The following PDLIM7 variants were observed in gnomAD, a reference collection of about 807,000 sequenced individuals.
PDLIM7 encodes PDZ and LIM domain protein 7.
Under a neutral mutation model 53.9 loss-of-function variants are expected in PDLIM7, and 37 were observed. That is an observed-to-expected ratio of 0.69 (90% CI 0.53 to 0.90). The LOEUF (loss-of-function observed/expected upper bound fraction) is 0.90. Ranked by LOEUF, PDLIM7 falls within the 40% of genes least tolerant of loss-of-function variation. PDLIM7 has a pLI of 0.00. For synonymous variants in PDLIM7, 300 were observed against 261.3 expected (o/e 1.15, Z -1.43); for missense variants, 617 against 638.5 (o/e 0.97, Z 0.36).
Position 177,491,617 on chromosome 5 carries a change from G to A in PDLIM7, c.398+190C>T, listed in dbSNP as rs2127413587. On this transcript the variant is annotated intron_variant, in intron 5 of 12. Transcript: ENST00000355841. ...CGTCATTCAGAGACCCCTCCCCAGG[G>A]CGGTGCCCTGCAAGGCGCCACAGCC... is the stretch of plus-strand genomic sequence containing the variant. 3 of 637,058 alleles carry A rather than the reference G, an allele frequency of 4.7e-6. No individual in the cohort carries two copies. The East Asian group carries it at 8.4e-5, about 18-fold the overall frequency. The allele number at this position is 637,058 out of a possible 1,614,324, so 39.5% of individuals were successfully genotyped here. A position where few individuals can be genotyped will look rare whatever the true frequency, so the allele number is the denominator to read the frequency against.
In PDLIM7 at chr5:177,489,467, A is replaced by G. The variant is rs1240402939; in HGVS notation, c.795T>C (p.Ala265=). 1.2e-6 allele frequency: 2 copies of G among 1,605,416 alleles called. No homozygotes were observed. The highest frequency in any genetic ancestry group is 1.7e-6 in the Non-Finnish European group (2 of 1,176,916). ...TGCCCCCTCCTGGCACCCCTCCGGC[A>G]GCTGCCTGCACAATGGAGGTGCGGC... ...LQSRTSIVQA[A]AGGVPGGGSN... Residue 265 remains alanine (A), a synonymous_variant, in exon 9 of 13, where the codon GCT becomes GCC. Coordinates refer to ENST00000355841, the MANE Select transcript of PDLIM7 (RefSeq NM_005451.5).
At chr5:177,484,240 C>T in intron 10 of PDLIM7, 50 bp from the exon 11 acceptor site, 1 of 1,601,138 alleles carries the variant, frequency 6.2e-7, no homozygotes, top group Non-Finnish European at 8.5e-7. Context: ...TCCTGCCCTG[C>T]CCTGGGTCAC....
Position 177,483,553 on chromosome 5 carries a change from CA to C in PDLIM7, c.*90del, listed in dbSNP as rs1758289883. On this transcript the variant is annotated 3_prime_UTR_variant, in exon 13 of 13. Coordinates refer to ENST00000355841, the MANE Select transcript of PDLIM7 (RefSeq NM_005451.5). Reference sequence around the variant, plus strand: ...CTCGGGCCAGGAGCCAGGGTTAAGGCAACCATTGCCAGCCCTACCCAGAAAT... The same window carrying C: ...CTCGGGCCAGGAGCCAGGGTTAAGGCACCATTGCCAGCCCTACCCAGAAAT... 2.1e-6 allele frequency: 2 copies of C among 975,532 alleles called. No individual in the cohort carries two copies. The highest frequency in any genetic ancestry group is 3.1e-6 in the Non-Finnish European group (2 of 645,070). The allele number at this position is 975,532 out of a possible 1,614,324, so 60.4% of individuals were successfully genotyped here.
chr5:177,488,014 C>T lies in PDLIM7; in HGVS notation c.1050+54G>A, dbSNP rs192222826. On this transcript the variant is annotated intron_variant, in intron 10 of 12. Transcript: ENST00000355841. ...CTGGACTGTGGGTTTCCCAGCAGCC[C>T]TCGTTCCCACTGACAGGCTTGGGAC... 62 of 1,521,468 alleles carry T rather than the reference C, an allele frequency of 4.1e-5. 1 individual carries two copies. In the Admixed American group the frequency reaches 6.6e-4, roughly 16 times the overall value. 94.2% of individuals were successfully genotyped at this position (1,521,468 alleles called of 1,614,324 possible).
chr5:177,496,155 T>C (rs1759059642), intron 2 of PDLIM7, among the ~76,000 whole-genome samples: 1 of 152,172 alleles, frequency 6.6e-6, no homozygotes, highest in South Asian at 2.1e-4. Flanking sequence ...TGAGCCTCCC[T>C]CCAGCCCTCA....
chr5:177,492,328 T>C, intron 4 of PDLIM7, 77 bp downstream of exon 4: 1 of 1,554,518 alleles, frequency 6.4e-7, no homozygotes, highest in South Asian at 1.2e-5. Context: ...GTACCGAGAA[T>C]GTGCCAGGAG....
chr5:177,487,527 G>A (rs999102034), intron 10 of PDLIM7, among the ~76,000 whole-genome samples: 6 of 152,274 alleles, frequency 3.9e-5, no homozygotes, highest in Non-Finnish European at 7.3e-5. Flanking sequence ...GCTGCCAACA[G>A]TCAAGCAACA....
intron 10 of PDLIM7, among the ~76,000 whole-genome samples, chr5:177,486,005 A>G (rs1395082059): frequency 6.6e-6 from 1 of 152,144 alleles, no homozygotes; most frequent in Non-Finnish European, 1.5e-5. Context: ...AGAAATAAAA[A>G]GCAGGAGATC....
Position 177,491,877 on chromosome 5 carries a change from C to A in PDLIM7, c.328G>T (p.Val110Phe), listed in dbSNP as rs1054288536. ...DPPRYTFAPS[V>F]SLNKTARPFG... is the part of the protein sequence containing the mutation. Reference sequence around the variant, plus strand: ...GGCCGGGCCGTCTTGTTGAGGGAGACGCTGGGTGCAAAGGTGTACCGCGGA... The same window carrying A: ...GGCCGGGCCGTCTTGTTGAGGGAGAAGCTGGGTGCAAAGGTGTACCGCGGA... Residue 110 changes from valine (V) to phenylalanine (F), a missense_variant, in exon 5 of 13, where the codon GTC becomes TTC. Transcript: ENST00000355841. 5.0e-6 allele frequency: 6 copies of A among 1,196,012 alleles called. No individual in the cohort carries two copies. Among genetic ancestry groups the A allele is most frequent in the Non-Finnish European group, 6.3e-6 (6 of 957,490 alleles). The allele number at this position is 1,196,012 out of a possible 1,614,324, so 74.1% of individuals were successfully genotyped here.
At chr5:177,496,796 G>C in intron 1 of PDLIM7, 1 of 251,166 alleles carries the variant, frequency 4.0e-6, no homozygotes, top group African/African-American at 2.2e-5. Flanking sequence ...TTGCAACCAG[G>C]GGTGGGCCGA....
In PDLIM7 at chr5:177,483,580, G is replaced by T; in HGVS notation, c.*64C>A. ...ACCATTGCCAGCCCTACCCAGAAAT[G>T]CAGGGCCACGACTCCAGGCCCCTCA... On this transcript the variant is annotated 3_prime_UTR_variant, in exon 13 of 13. Transcript: ENST00000355841. 2 of 1,243,812 alleles carry T rather than the reference G, an allele frequency of 1.6e-6. No individual in the cohort carries two copies. The highest frequency in any genetic ancestry group is 2.3e-6 in the Non-Finnish European group (2 of 865,724). The allele number at this position is 1,243,812 out of a possible 1,614,324, so 77.0% of individuals were successfully genotyped here.
chr5:177,491,405 T>C (rs370465089), intron 5 of PDLIM7: 180 of 1,551,602 alleles, frequency 1.2e-4, no homozygotes, highest in Non-Finnish European at 1.5e-4. Flanking sequence ...CTCACTGACT[T>C]GTCAGGGGTC....
At chr5:177,493,426 T>C (rs1005923673) in intron 2 of PDLIM7, among the ~76,000 whole-genome samples, 2 of 152,168 alleles carry the variant, frequency 1.3e-5, no homozygotes, top group African/African-American at 4.8e-5. Flanking sequence ...GTAGAGACAG[T>C]AGGCTGGGAG....
At chr5:177,485,572 C>G (rs1206529610) in intron 10 of PDLIM7, among the ~76,000 whole-genome samples, 1 of 152,242 alleles carries the variant, frequency 6.6e-6, no homozygotes, top group Admixed American at 6.5e-5. Context: ...GATCCCAGAT[C>G]CAATCCCTGC....
intron 5 of PDLIM7, chr5:177,491,493 G>C: frequency 8.1e-7 from 1 of 1,242,006 alleles, no homozygotes; most frequent in Non-Finnish European, 1.2e-6. Context: ...GAAAGACGGG[G>C]AGGGGTCAGA....
intron 2 of PDLIM7, chr5:177,495,128 CAGGACGTCAGGT>C (rs1759003197): frequency 6.6e-6 from 1 of 152,436 alleles, no homozygotes; most frequent in Admixed American, 6.5e-5. Flanking sequence ...TCCCAGGGAG[CAGGACGTCAGGT>C]AGGTTTCAGG....
intron 10 of PDLIM7, 157 bp from the exon 11 acceptor site, chr5:177,484,347 A>T: frequency 1.2e-6 from 1 of 843,610 alleles, no homozygotes; most frequent in Non-Finnish European, 1.8e-6. Context: ...TCCAACTCCA[A>T]GGTCTCTGAG....
intron 1 of PDLIM7, chr5:177,496,745 C>A (rs757844846): frequency 8.3e-6 from 3 of 361,744 alleles, no homozygotes; most frequent in African/African-American, 2.1e-5. Context: ...CCCCTTGGGA[C>A]TGGAACGGTG....
Position 177,483,629 on chromosome 5 carries a change from G to T in PDLIM7, c.*15C>A. 1 of 1,588,710 alleles carries T rather than the reference G, an allele frequency of 6.3e-7. No individual in the cohort carries two copies. Among genetic ancestry groups the T allele is most frequent in the Non-Finnish European group, 8.6e-7 (1 of 1,158,398 alleles). On this transcript the variant is annotated 3_prime_UTR_variant, in exon 13 of 13. Coordinates refer to ENST00000355841, the MANE Select transcript of PDLIM7 (RefSeq NM_005451.5). Reference sequence around the variant, plus strand: ...CAGGCTAGGGGCCACCGCGGCAGCTGTGGGCAGAAGGGGCTCACACATGAG... The same window carrying T: ...CAGGCTAGGGGCCACCGCGGCAGCTTTGGGCAGAAGGGGCTCACACATGAG...
Sources: allele counts gnomAD v4.1 joint callset (sites outside exome capture counted in the v4.1 genomes callset), GRCh38; gene constraint gnomAD v4.1.1; transcripts MANE v1.5; gene names NCBI Gene and HGNC (gene_info 2026-07-23, HGNC 2026-07-21).